PPP2R2B: variants seen among roughly 807,000 people sequenced by gnomAD.
PPP2R2B encodes the protein serine/threonine-protein phosphatase 2A 55 kDa regulatory subunit B beta isoform.
In PPP2R2B, 5 loss-of-function variants were observed where a neutral mutation model predicts 46.0. That is an observed-to-expected ratio of 0.11 (90% CI 0.06 to 0.23). The LOEUF (loss-of-function observed/expected upper bound fraction) is 0.23, where lower values mean the gene tolerates loss of function less well. PPP2R2B is among the 10% of genes least tolerant of loss of function. The probability of loss-of-function intolerance (pLI) is 1.00; values close to 1 mark genes in which losing one functional copy is unlikely to be tolerated. For missense variants in PPP2R2B, 367 were observed against 575.0 expected, an observed-to-expected ratio of 0.64 and a Z score of 3.70; for synonymous variants, 215 against 206.7, an observed-to-expected ratio of 1.04 and a Z score of -0.34.
chr5:146,624,718 C>T (rs1009821969), intron 7 of PPP2R2B, among the ~76,000 whole-genome samples: 3 of 152,164 alleles, frequency 2.0e-5, no homozygotes, highest in Non-Finnish European at 2.9e-5. Flanking sequence ...ACAGGTCTAC[C>T]GTGTGGCCCA....
intron 7 of PPP2R2B, among the ~76,000 whole-genome samples, chr5:146,601,258 T>C (rs1771755947): frequency 6.6e-6 from 1 of 152,224 alleles, no homozygotes; most frequent in Admixed American, 6.5e-5. Flanking sequence ...TATAAGTTTT[T>C]GTCTGGTCAT....
intron 5 of PPP2R2B, among the ~76,000 whole-genome samples, chr5:146,657,664 A>G (rs1352125561): frequency 1.8e-5 from 2 of 114,134 alleles, no homozygotes; most frequent in Non-Finnish European, 3.9e-5. Context: ...TGTACTATGC[A>G]ATTCATAAAC....
chr5:146,811,493 C>A (rs758725763), intron 2 of PPP2R2B, among the ~76,000 whole-genome samples: 12 of 149,990 alleles, frequency 8.0e-5, no homozygotes, highest in Non-Finnish European at 1.3e-4. Flanking sequence ...ATAGCAATTT[C>A]TTTATTAATC....
intron 1 of PPP2R2B, among the ~76,000 whole-genome samples, chr5:146,931,653 A>C (rs1365488103): frequency 1.3e-5 from 2 of 152,112 alleles, no homozygotes; most frequent in African/African-American, 4.8e-5. Context: ...TTAGCTTCTT[A>C]TTAGCAGGTA....
chr5:146,622,992 T>C (rs1054661138), intron 7 of PPP2R2B, among the ~76,000 whole-genome samples: 1 of 152,250 alleles, frequency 6.6e-6, no homozygotes, highest in African/African-American at 2.4e-5. Flanking sequence ...TATCACCTTT[T>C]ATCTGATGTT....
At position 146,606,019 on chromosome 5, in the gene PPP2R2B, A is replaced by T. The variant is rs75439784; in HGVS notation, c.791-5559T>A. Among the ~76,000 whole-genome samples the T allele has an allele frequency of 3.8e-3, 577 of 152,342 alleles. 4 individuals are homozygous for T. The highest frequency in any genetic ancestry group is 0.016 in the South Asian group (78 of 4,828). ...CTGGGTAAATAAATAAGGTTCCAGAATCTGGGGAAAATCTTGAATTCAGTT... is the reference window on the plus strand; with the variant it reads ...CTGGGTAAATAAATAAGGTTCCAGATTCTGGGGAAAATCTTGAATTCAGTT... On this transcript the variant is annotated intron_variant, in intron 7 of 9. Transcript: ENST00000394411.
chr5:146,936,665 A>G (rs1255217692), intron 1 of PPP2R2B, among the ~76,000 whole-genome samples: 1 of 152,066 alleles, frequency 6.6e-6, no homozygotes, highest in East Asian at 1.9e-4. Context: ...GCTCTCTCTG[A>G]GCCAAAAAAA....
intron 2 of PPP2R2B, among the ~76,000 whole-genome samples, chr5:146,756,160 C>G (rs1434952426): frequency 6.6e-6 from 1 of 152,074 alleles, no homozygotes; most frequent in Non-Finnish European, 1.5e-5. Flanking sequence ...GATTCTGAAT[C>G]AGTAGTTTTG....
At chr5:146,861,909 T>C (rs905350767) in intron 2 of PPP2R2B, among the ~76,000 whole-genome samples, 2 of 151,596 alleles carry the variant, frequency 1.3e-5, no homozygotes, top group East Asian at 1.9e-4. Context: ...CCAATATTAA[T>C]AAACTTTCAC....
At chr5:147,065,274 C>A (rs1383175) in intron 2 of PPP2R2B, among the ~76,000 whole-genome samples, 149,056 of 152,190 alleles carry the variant, frequency 0.98, 73,036 homozygotes, top group East Asian at 1. Flanking sequence ...ATGAAACCAA[C>A]ACTGAGATTT....
chr5:147,031,193 C>A (rs992281489), intron 1 of PPP2R2B, among the ~76,000 whole-genome samples: 6 of 151,766 alleles, frequency 4.0e-5, no homozygotes, highest in Non-Finnish European at 7.4e-5. Context: ...GCTGAGATCA[C>A]GCCATGGCAC....
chr5:146,650,887 G>A (rs916701272), intron 5 of PPP2R2B, among the ~76,000 whole-genome samples, 163 bp from the exon 6 acceptor site: 1 of 152,160 alleles, frequency 6.6e-6, no homozygotes, highest in Non-Finnish European at 1.5e-5. Flanking sequence ...CACTGTTCTT[G>A]TTCCATTCTG....
At chr5:146,699,165 A>T (rs1033891112) in intron 3 of PPP2R2B, among the ~76,000 whole-genome samples, 1 of 152,218 alleles carries the variant, frequency 6.6e-6, no homozygotes. Context: ...TTCCAAATGT[A>T]TATTTCTAGG....
At chr5:147,074,656 T>C (rs892631461) in intron 2 of PPP2R2B, among the ~76,000 whole-genome samples, 7 of 152,178 alleles carry the variant, frequency 4.6e-5, no homozygotes, top group African/African-American at 1.7e-4. Flanking sequence ...AAAATCATTC[T>C]TATAATCTCG....
intron 2 of PPP2R2B, among the ~76,000 whole-genome samples, chr5:146,813,865 GGA>G (rs984251660): frequency 1.4e-4 from 22 of 152,114 alleles, no homozygotes; most frequent in African/African-American, 4.6e-4. Flanking sequence ...GGACAGAAAC[GGA>G]GAGAGCAAGC....
intron 1 of PPP2R2B, among the ~76,000 whole-genome samples, chr5:146,993,616 G>A (rs572777794): frequency 6.6e-6 from 1 of 152,240 alleles, no homozygotes; most frequent in East Asian, 1.9e-4. Context: ...CATTGCTACT[G>A]TGTGATACAC....
At chr5:146,838,723 T>A (rs575350724) in intron 2 of PPP2R2B, among the ~76,000 whole-genome samples, 18 of 152,312 alleles carry the variant, frequency 1.2e-4, no homozygotes, top group Middle Eastern at 3.4e-3. Context: ...TGCTAACACA[T>A]TAATGATTAA....
chr5:146,850,766 T>C (rs1047676936), intron 2 of PPP2R2B, among the ~76,000 whole-genome samples: 2 of 152,178 alleles, frequency 1.3e-5, no homozygotes, highest in Non-Finnish European at 2.9e-5. Context: ...TTTATCTTTA[T>C]TATTCTTTAT....
At chr5:146,592,721 A>T (rs185061768) in intron 9 of PPP2R2B, among the ~76,000 whole-genome samples, 2 of 152,336 alleles carry the variant, frequency 1.3e-5, no homozygotes, top group Non-Finnish European at 2.9e-5. Context: ...TGTGAAAAAG[A>T]TAGGACTTTC....
Sources: gnomAD v4.1 joint callset for allele counts (sites outside exome capture counted in the v4.1 genomes callset) on GRCh38, gnomAD v4.1.1 for gene constraint, MANE v1.5 for transcripts, NCBI Gene and HGNC (gene_info 2026-07-23, HGNC 2026-07-21) for gene names.